FBXL2: variants seen among roughly 807,000 people sequenced by gnomAD.
The protein encoded by FBXL2 is F-box/LRR-repeat protein 2.
FBXL2 carries 38 observed loss-of-function variants against 69.2 expected under a neutral mutation model. The observed-to-expected ratio is 0.55, with a 90% confidence interval of 0.42 to 0.72. The LOEUF (loss-of-function observed/expected upper bound fraction) is 0.72. Ranked by LOEUF, FBXL2 falls within the 30% of genes least tolerant of loss-of-function variation. The probability of loss-of-function intolerance (pLI) is 0.00; values close to 1 mark genes in which losing one functional copy is unlikely to be tolerated. For missense variants in FBXL2, 354 were observed against 520.3 expected, an observed-to-expected ratio of 0.68 and a Z score of 3.11; for synonymous variants, 192 against 201.3, an observed-to-expected ratio of 0.95 and a Z score of 0.39.
intron 4 of FBXL2, among the ~76,000 whole-genome samples, chr3:33,361,539 G>A (rs1295386991): frequency 6.6e-6 from 1 of 151,948 alleles, no homozygotes; most frequent in Non-Finnish European, 1.5e-5. Flanking sequence ...ATATTAAAAA[G>A]TACTACTATT....
Position 33,375,281 on chromosome 3 carries a change from T to G in FBXL2, c.658-7T>G, listed in dbSNP as rs2042562276. On this transcript the variant is annotated splice_region_variant and splice_polypyrimidine_tract_variant and intron_variant, in intron 9 of 14. Coordinates refer to ENST00000484457, the MANE Select transcript of FBXL2 (RefSeq NM_012157.5). ...CTGACTTTTCTTTCTGTGCTGCTTT[T>G]CCTCAGCGTATCACGGATGAAGGTG... 1.9e-6 allele frequency: 3 copies of G among 1,610,448 alleles called. No homozygotes were observed. In the East Asian group the frequency reaches 6.7e-5, roughly 36 times the overall value.
At chr3:33,380,711 CCT>C (rs1280550807) in intron 13 of FBXL2, among the ~76,000 whole-genome samples, 1 of 152,092 alleles carries the variant, frequency 6.6e-6, no homozygotes, top group Non-Finnish European at 1.5e-5. Flanking sequence ...CCCTCTCCTC[CCT>C]GTCTCTTTCA....
chr3:33,418,738 A>T, the FBXL2 span, among the ~76,000 whole-genome samples: 1 of 151,736 alleles, frequency 6.6e-6, no homozygotes, highest in East Asian at 2.0e-4. Flanking sequence ...GCATGCCTGT[A>T]ATCCCAGCTA....
chr3:33,313,119 C>CA (rs1391802967), intron 2 of FBXL2, among the ~76,000 whole-genome samples: 284 of 102,488 alleles, frequency 2.8e-3, no homozygotes, highest in African/African-American at 0.011. Context: ...ACTCCGTCTC[C>CA]AAGAAAAAAA....
intron 1 of FBXL2, among the ~76,000 whole-genome samples, chr3:33,294,246 G>A (rs2035531251): frequency 6.6e-6 from 1 of 152,004 alleles, no homozygotes; most frequent in Non-Finnish European, 1.5e-5. Flanking sequence ...ATAGGGACAT[G>A]CCACCATGCC....
chr3:33,320,777 C>T (rs1367297961), intron 2 of FBXL2, among the ~76,000 whole-genome samples: 1 of 151,806 alleles, frequency 6.6e-6, no homozygotes, highest in Admixed American at 6.6e-5. Context: ...CCACACCTAG[C>T]CAGGAAAGTA....
At chr3:33,390,127 C>G, downstream of FBXL2, 1 of 583,054 alleles carries the variant, frequency 1.7e-6, no homozygotes, top group Non-Finnish European at 3.1e-6. Flanking sequence ...TGCCGATGTG[C>G]TCACTCTCAT....
At chr3:33,301,558 C>G (rs4234255) in intron 2 of FBXL2, among the ~76,000 whole-genome samples, 1 of 151,904 alleles carries the variant, frequency 6.6e-6, no homozygotes, top group Non-Finnish European at 1.5e-5. Flanking sequence ...GATAGTTTTA[C>G]GAATATATAT....
At chr3:33,340,524 C>G (rs1426889754) in intron 2 of FBXL2, among the ~76,000 whole-genome samples, 1 of 142,718 alleles carries the variant, frequency 7.0e-6, no homozygotes, top group Non-Finnish European at 1.5e-5. Context: ...TTGAAAGGTA[C>G]TCAGGAACCA....
intron 10 of FBXL2, 152 bp downstream of exon 10, chr3:33,375,570 C>T (rs1575393418): frequency 2.5e-6 from 2 of 787,540 alleles, no homozygotes; most frequent in South Asian, 1.9e-5. Context: ...TGGGGTGGGG[C>T]GTGTATAAAT....
At chr3:33,384,243 A>G (rs2043258937) in intron 14 of FBXL2, 42 bp downstream of exon 14, 6 of 1,578,192 alleles carry the variant, frequency 3.8e-6, no homozygotes, top group Non-Finnish European at 5.2e-6. Flanking sequence ...TGACATTTCT[A>G]AGCACCAAAG....
intron 1 of FBXL2, among the ~76,000 whole-genome samples, chr3:33,287,681 T>G (rs1290042218): frequency 6.6e-6 from 1 of 152,062 alleles, no homozygotes; most frequent in Non-Finnish European, 1.5e-5. Context: ...CTAAATTGAG[T>G]AGGCAGTTTG....
chr3:33,373,085 A>G lies in FBXL2; in HGVS notation c.291-7A>G, dbSNP rs1221240366. On this transcript the variant is annotated splice_region_variant and splice_polypyrimidine_tract_variant and intron_variant, in intron 5 of 14. Coordinates refer to ENST00000484457, the MANE Select transcript of FBXL2 (RefSeq NM_012157.5). ...GCAGGGAGCTTTAAAATGTTTTCTC[A>G]TTTTAGGACCTTTGCACAGAACTGC... 6.2e-7 allele frequency: 1 copy of G among 1,613,956 alleles called. No homozygotes were observed. The highest frequency in any genetic ancestry group is 8.5e-7 in the Non-Finnish European group (1 of 1,179,906).
chr3:33,396,828 T>C (rs1411330657), intron 12 of FBXL2: 1 of 675,724 alleles, frequency 1.5e-6, no homozygotes, highest in Non-Finnish European at 2.7e-6. Context: ...TCTACCAGTC[T>C]TACAGTCTAC....
chr3:33,392,356 T>A (rs2043803168), downstream of FBXL2: 5 of 475,320 alleles, frequency 1.1e-5, no homozygotes, highest in East Asian at 1.8e-4. Context: ...ATTGAGATTT[T>A]TTTTTCCAGT....
At chr3:33,325,385 TGCTTCCA>T (rs1215119942) in intron 2 of FBXL2, among the ~76,000 whole-genome samples, 4 of 152,236 alleles carry the variant, frequency 2.6e-5, no homozygotes, top group Non-Finnish European at 5.9e-5. Flanking sequence ...TCAAAGCGAA[TGCTTCCA>T]GCTTTTGCCC....
chr3:33,369,234 T>C (rs1438659419), intron 5 of FBXL2, among the ~76,000 whole-genome samples: 12 of 151,944 alleles, frequency 7.9e-5, no homozygotes. Flanking sequence ...ATATTTTTAG[T>C]AGAGACAGGT....
At chr3:33,418,827 A>G in the FBXL2 span, among the ~76,000 whole-genome samples, 4 of 148,494 alleles carry the variant, frequency 2.7e-5, no homozygotes, top group African/African-American at 1.0e-4. Flanking sequence ...CCGCTGCACT[A>G]CAGCCCAGGC....
the FBXL2 span, among the ~76,000 whole-genome samples, chr3:33,419,590 T>C: frequency 6.9e-6 from 1 of 145,302 alleles, no homozygotes; most frequent in Non-Finnish European, 1.5e-5. Flanking sequence ...ATCGCGCCAT[T>C]GCACTCCAGC....
Sources: allele counts gnomAD v4.1 joint callset (sites outside exome capture counted in the v4.1 genomes callset), GRCh38; gene constraint gnomAD v4.1.1; transcripts MANE v1.5; gene names NCBI Gene and HGNC (gene_info 2026-07-23, HGNC 2026-07-21).